The following ZNF502 variants were observed in gnomAD, a reference collection of about 807,000 sequenced individuals.
ZNF502 encodes zinc finger protein 502.
Under a neutral mutation model 43.6 loss-of-function variants are expected in ZNF502, and 29 were observed. The observed-to-expected ratio is 0.67, with a 90% CI of 0.50 to 0.91. The LOEUF (loss-of-function observed/expected upper bound fraction) is 0.91. ZNF502 is among the 40% of genes least tolerant of loss of function. The pLI, the probability that ZNF502 is intolerant of heterozygous loss-of-function variation, is 0.00. For synonymous variants in ZNF502, 171 were observed against 207.4 expected (o/e 0.82, Z 1.51); for missense variants, 591 against 647.2 (o/e 0.91, Z 0.94).
At position 44,717,904 on chromosome 3, in the gene ZNF502, G is replaced by A. The variant is rs564542835; in HGVS notation, c.-59-2299G>A. ...GGCCTAAAGTGATCTTCCCACCTTG[G>A]CCTCCTAAAGTGCTAGGATTACAAG... On this transcript the variant is annotated intron_variant, in intron 1 of 2. Transcript: ENST00000436624. Among the ~76,000 whole-genome samples, 3 of 152,130 alleles carry A rather than the reference G, an allele frequency of 2.0e-5. No individual in the cohort carries two copies. In the East Asian group the frequency reaches 5.8e-4, roughly 29 times the overall value.
chr3:44,716,409 C>T (rs1184766155), intron 1 of ZNF502, among the ~76,000 whole-genome samples: 1 of 151,960 alleles, frequency 6.6e-6, no homozygotes, highest in Non-Finnish European at 1.5e-5. Context: ...AGGCTGGTCT[C>T]GAACTCCTGA....
intron 1 of ZNF502, among the ~76,000 whole-genome samples, chr3:44,718,162 C>T (rs2125864954): frequency 6.6e-6 from 1 of 152,268 alleles, no homozygotes; most frequent in East Asian, 1.9e-4. Flanking sequence ...TATTCCTTTC[C>T]AGACCAGTGT....
rs751492767 is a variant in ZNF502, at chr3:44,721,218, T to C, written c.401T>C (p.Ile134Thr). The change falls in exon 3 of 3, where the codon ATA (isoleucine) becomes ACA (threonine). Residue 134 changes from isoleucine (I) to threonine (T), a missense_variant. By Grantham distance (89) the Ile-to-Thr change is moderately conservative. Coordinates refer to ENST00000436624, the MANE Select transcript of ZNF502 (RefSeq NM_001134442.3). Reference sequence around the variant, plus strand: ...CTGCATCAGTGGGAAACAAGTAATATACAAACCAATGATATTTCAGACCAA... The same window carrying C: ...CTGCATCAGTGGGAAACAAGTAATACACAAACCAATGATATTTCAGACCAA... The part of the protein sequence containing the change: ...ESLHQWETSN[I>T]QTNDISDQSK... 11 of 1,614,058 alleles carry C rather than the reference T, an allele frequency of 6.8e-6. No homozygotes were observed. Among genetic ancestry groups the C allele is most frequent in the Non-Finnish European group, 9.3e-6 (11 of 1,180,038 alleles).
chr3:44,722,143 G>T lies in ZNF502; in HGVS notation c.1326G>T (p.Lys442Asn). 1 of 1,614,076 alleles carries T rather than the reference G, an allele frequency of 6.2e-7. No individual in the cohort carries two copies. The highest frequency in any genetic ancestry group is 8.5e-7 in the Non-Finnish European group (1 of 1,180,002). Reference protein sequence around the residue: ...EKPYKCNECGKGFNQNTCLTQ... With the variant: ...EKPYKCNECGNGFNQNTCLTQ... Reference sequence around the variant, plus strand: ...CCTATAAATGCAATGAATGTGGAAAGGGCTTTAATCAGAACACCTGCCTCA... The same window carrying T: ...CCTATAAATGCAATGAATGTGGAAATGGCTTTAATCAGAACACCTGCCTCA... Residue 442 changes from lysine (K) to asparagine (N), a missense_variant, in exon 3 of 3, where the codon AAG (lysine) becomes AAT (asparagine). Transcript: ENST00000436624.
chr3:44,721,404 C>T lies in ZNF502; in HGVS notation c.587C>T (p.Ser196Leu). The change falls in exon 3 of 3, where the codon TCA (serine) becomes TTA (leucine). Residue 196 changes from serine to leucine, a missense_variant. Coordinates refer to ENST00000436624, the MANE Select transcript of ZNF502 (RefSeq NM_001134442.3). ...EECGKAFSRS[S>L]FLVQHQRIHT... ...TGTGGGAAAGCCTTTAGTCGTAGTT[C>T]ATTCCTTGTTCAACATCAAAGAATT... 6.2e-7 allele frequency: 1 copy of T among 1,614,194 alleles called. No individual in the cohort carries two copies. The highest frequency in any genetic ancestry group is 2.2e-5 in the East Asian group (1 of 44,882).
At chr3:44,720,823 C>T (rs1332408818) in intron 2 of ZNF502, 50 bp from the exon 3 acceptor site, 2 of 1,537,962 alleles carry the variant, frequency 1.3e-6, no homozygotes, top group East Asian at 2.3e-5. Flanking sequence ...GTTTCAGGGG[C>T]CTTCACTCTG....
At chr3:44,720,807 C>T in intron 2 of ZNF502, 66 bp from the exon 3 acceptor site, 3 of 1,524,434 alleles carry the variant, frequency 2.0e-6, no homozygotes, top group Non-Finnish European at 2.6e-6. Context: ...AAGTTAAGGT[C>T]TTACAGTTTC....
Position 44,721,660 on chromosome 3 carries a change from C to T in ZNF502, c.843C>T (p.His281=), listed in dbSNP as rs151292848. The stretch of plus-strand genomic sequence containing the variant: ...GGAAGGCATTCAATCAGAATACACA[C>T]CTTATTCATCATCAGAGAATTCACA... ...RCGKAFNQNT[H]LIHHQRIHTG... The change falls in exon 3 of 3, where the codon CAC becomes CAT. Residue 281 remains histidine (H), a synonymous_variant. Transcript: ENST00000436624. 1.5e-4 allele frequency: 248 copies of T among 1,614,044 alleles called. 2 individuals are homozygous for T. In the African/African-American group the frequency reaches 3.0e-3, roughly 20 times the overall value.
At chr3:44,716,309 T>A (rs1704144249) in intron 1 of ZNF502, among the ~76,000 whole-genome samples, 1 of 151,658 alleles carries the variant, frequency 6.6e-6, no homozygotes. Flanking sequence ...TGCCTCAGCC[T>A]CCTGAGTAGC....
At position 44,721,568 on chromosome 3, in the gene ZNF502, C is replaced by T; in HGVS notation, c.751C>T (p.His251Tyr). The change falls in exon 3 of 3, where the codon CAC becomes TAC. Residue 251 changes from histidine to tyrosine, a missense_variant. His to Tyr is a moderately conservative substitution (Grantham distance 83, BLOSUM62 2). Transcript: ENST00000436624. Reference protein sequence around the residue: ...CNECGNSFRNHSHLTEHQRIH... With the variant: ...CNECGNSFRNYSHLTEHQRIH... Reference sequence around the variant, plus strand: ...TGAATGTGGGAATTCCTTCCGCAATCACTCACATCTCACTGAACACCAGAG... The same window carrying T: ...TGAATGTGGGAATTCCTTCCGCAATTACTCACATCTCACTGAACACCAGAG... 6.2e-7 allele frequency: 1 copy of T among 1,607,432 alleles called. No individual in the cohort carries two copies. Among genetic ancestry groups the T allele is most frequent in the South Asian group, 1.1e-5 (1 of 90,118 alleles).
At position 44,721,073 on chromosome 3, in the gene ZNF502, A is replaced by AG. The variant is rs757569815; in HGVS notation, c.256_257insG (p.Ile86SerfsTer11). The AG allele has an allele frequency of 6.2e-7, 1 of 1,614,158 alleles. No homozygotes were observed. The highest frequency in any genetic ancestry group is 2.2e-5 in the East Asian group (1 of 44,880). On this transcript the variant is annotated frameshift_variant, in exon 3 of 3. Transcript: ENST00000436624. LOFTEE classifies it high-confidence loss of function. ...TTTCCAGGAAGGAGGTTTTGGGAGA[A>AG]TAACTTTCATCCACAAAGAAGCACC...
rs1256485011 is a variant in ZNF502, at chr3:44,721,136, A to T, written c.319A>T (p.Ser107Cys). ...IISQGYNFEKSLLLTSSLVTR... is the reference protein window; with the variant it reads ...IISQGYNFEKCLLLTSSLVTR... ...TAGTCAAGGATATAATTTTGAGAAA[A>T]GCTTGCTTTTGACCTCAAGCCTTGT... The change falls in exon 3 of 3, where the codon AGC becomes TGC. Residue 107 changes from serine to cysteine, a missense_variant. By Grantham distance (112) the Ser-to-Cys change is moderately radical. Transcript: ENST00000436624. 1.9e-6 allele frequency: 3 copies of T among 1,614,074 alleles called. No individual in the cohort carries two copies. Among genetic ancestry groups the T allele is most frequent in the African/African-American group, 1.3e-5 (1 of 74,944 alleles).
Position 44,722,663 on chromosome 3 carries a change from TC to T in ZNF502, c.*213del. 1.8e-6 allele frequency: 1 copy of T among 565,924 alleles called. No homozygotes were observed. Among genetic ancestry groups the T allele is most frequent in the South Asian group, 3.1e-5 (1 of 32,356 alleles). 35.1% of individuals were successfully genotyped at this position (565,924 alleles called of 1,614,324 possible). A position where few individuals can be genotyped will look rare whatever the true frequency, so the allele number is the denominator to read the frequency against. ...CTGGGAATACAGGGTAGAAAGAAAT[TC>T]CTGCTTTTCAGATAAAGCCTACACA... On this transcript the variant is annotated 3_prime_UTR_variant, in exon 3 of 3. Transcript: ENST00000436624.
intron 1 of ZNF502, among the ~76,000 whole-genome samples, chr3:44,716,713 T>G (rs1438629984): frequency 1.3e-5 from 2 of 152,230 alleles, no homozygotes; most frequent in African/African-American, 4.8e-5. Flanking sequence ...AGAAACTCCC[T>G]GTACCTTTGT....
intron 1 of ZNF502, among the ~76,000 whole-genome samples, chr3:44,719,302 T>A (rs1704240481): frequency 6.6e-6 from 1 of 152,232 alleles, no homozygotes; most frequent in African/African-American, 2.4e-5. Flanking sequence ...TAAAACTCAA[T>A]GCAGAAGCAC....
At chr3:44,718,784 A>G (rs1183179947) in intron 1 of ZNF502, among the ~76,000 whole-genome samples, 7 of 152,116 alleles carry the variant, frequency 4.6e-5, no homozygotes, top group Non-Finnish European at 7.4e-5. Flanking sequence ...TTGTCCAGCT[A>G]TGACACAAGT....
chr3:44,720,343 G>C (rs1401457815), intron 2 of ZNF502, 27 bp downstream of exon 2: 5 of 1,612,248 alleles, frequency 3.1e-6, no homozygotes, highest in Non-Finnish European at 4.2e-6. Context: ...CAAGCAGTGG[G>C]AGAAATAGTC....
Position 44,722,044 on chromosome 3 carries a change from C to T in ZNF502, c.1227C>T (p.Cys409=). The part of the protein sequence containing the change: ...RIHTGERPYK[C]SECGKAFIQS... The stretch of plus-strand genomic sequence containing the variant: ...ATACAGGGGAGAGACCCTACAAATG[C>T]AGTGAATGTGGTAAAGCCTTCATTC... The change falls in exon 3 of 3, where the codon TGC becomes TGT. Residue 409 remains cysteine (C), a synonymous_variant. Coordinates refer to ENST00000436624, the MANE Select transcript of ZNF502 (RefSeq NM_001134442.3). The T allele has an allele frequency of 1.2e-6, 2 of 1,614,162 alleles. No individual in the cohort carries two copies. The highest frequency in any genetic ancestry group is 2.2e-5 in the South Asian group (2 of 91,078).
chr3:44,719,085 C>T (rs534578468), intron 1 of ZNF502, among the ~76,000 whole-genome samples: 5 of 151,912 alleles, frequency 3.3e-5, no homozygotes, highest in South Asian at 2.1e-4. Context: ...GTGATTCTCC[C>T]GCCTCATTCT....
Sources: allele counts gnomAD v4.1 joint callset (sites outside exome capture counted in the v4.1 genomes callset), GRCh38; gene constraint gnomAD v4.1.1; transcripts MANE v1.5; gene names NCBI Gene and HGNC (gene_info 2026-07-23, HGNC 2026-07-21).